Variants in TAF4B observed in about 807,000 individuals in gnomAD.
TAF4B encodes TATA-box binding protein associated factor 4b.
In TAF4B, 38 loss-of-function variants were observed where a neutral mutation model predicts 86.4. The observed-to-expected ratio is 0.44, with a 90% CI of 0.34 to 0.58. The LOEUF (loss-of-function observed/expected upper bound fraction) is 0.58, where lower values mean the gene tolerates loss of function less well. Among genes scored for constraint, TAF4B ranks in the 20% least tolerant of loss-of-function variants. The pLI, the probability that TAF4B is intolerant of heterozygous loss-of-function variation, is 0.02. For synonymous variants in TAF4B, 388 were observed against 391.2 expected (o/e 0.99, Z 0.10); for missense variants, 988 against 1,027.6 (o/e 0.96, Z 0.53).
At chr18:26,262,251 T>A (rs1339081102) in intron 1 of TAF4B, among the ~76,000 whole-genome samples, 1 of 151,672 alleles carries the variant, frequency 6.6e-6, no homozygotes, top group African/African-American at 2.4e-5. Context: ...GACTTCCTCC[T>A]CCCGGGAAGA....
rs117690930 is a variant in TAF4B, at chr18:26,257,842, C to T, written c.344-7328C>T. ...TTCATTTCTGGCTTTCCTCTGCGTG[C>T]GTGTGTGTGTGTGTGTGTGTGTGTG... is the stretch of plus-strand genomic sequence containing the variant. On this transcript the variant is annotated intron_variant, in intron 1 of 14. Coordinates refer to ENST00000269142, the MANE Select transcript of TAF4B (RefSeq NM_005640.3). 2.6e-4 allele frequency among the ~76,000 whole-genome samples: 37 copies of T among 141,528 alleles called. 1 individual carries two copies. Among genetic ancestry groups the T allele is most frequent in the East Asian group, 2.2e-3 (10 of 4,608 alleles). 92.8% of individuals were successfully genotyped at this position (141,528 alleles called of 152,430 possible).
Position 26,286,321 on chromosome 18 carries a change from T to C in TAF4B, c.1412T>C (p.Phe471Ser). 2 of 1,614,242 alleles carry C rather than the reference T, an allele frequency of 1.2e-6. No homozygotes were observed. Among genetic ancestry groups the C allele is most frequent in the East Asian group, 2.2e-5 (1 of 44,886 alleles). ...ACACTGTCCCTTCCAGCAGTAACTT[T>C]TGGAGAAACTTCAGGTGCAGCTATT... ...AVTLSLPAVTFGETSGAAICL... is the reference protein window; with the variant it reads ...AVTLSLPAVTSGETSGAAICL... Residue 471 changes from phenylalanine to serine, a missense_variant, in exon 7 of 15, where the codon TTT (phenylalanine) becomes TCT (serine). Coordinates refer to ENST00000269142, the MANE Select transcript of TAF4B (RefSeq NM_005640.3).
chr18:26,349,360 A>G (rs528099412), intron 13 of TAF4B, among the ~76,000 whole-genome samples: 1 of 152,010 alleles, frequency 6.6e-6, no homozygotes, highest in African/African-American at 2.4e-5. Flanking sequence ...TCTTTATTTA[A>G]AAAAAAAGAA....
intron 1 of TAF4B, among the ~76,000 whole-genome samples, chr18:26,236,009 C>T (rs2055742649): frequency 6.6e-6 from 1 of 152,132 alleles, no homozygotes; most frequent in Non-Finnish European, 1.5e-5. Flanking sequence ...GGGATATTGC[C>T]TTTGATAAGG....
intron 13 of TAF4B, among the ~76,000 whole-genome samples, chr18:26,338,470 ATTTT>A: frequency 1.4e-5 from 1 of 71,206 alleles, no homozygotes; most frequent in East Asian, 5.3e-4. Flanking sequence ...AAGAACTAGA[ATTTT>A]TTTTTTTTTT....
At chr18:26,254,565 C>T (rs1207433760) in intron 1 of TAF4B, among the ~76,000 whole-genome samples, 1 of 152,134 alleles carries the variant, frequency 6.6e-6, no homozygotes, top group African/African-American at 2.4e-5. Flanking sequence ...CTCAGCAAGC[C>T]CTCTAAGAAA....
intron 1 of TAF4B, among the ~76,000 whole-genome samples, chr18:26,260,866 C>G (rs146412675): frequency 6.6e-6 from 1 of 152,148 alleles, no homozygotes; most frequent in Non-Finnish European, 1.5e-5. Flanking sequence ...TTCCTTTGAA[C>G]ATACTTATAA....
chr18:26,353,862 A>G (rs569115385), intron 13 of TAF4B, among the ~76,000 whole-genome samples: 23 of 152,240 alleles, frequency 1.5e-4, no homozygotes, highest in Admixed American at 2.6e-4. Context: ...ATGCAGTCCA[A>G]TTTGCCAATT....
At chr18:26,350,002 G>T (rs561703980) in intron 13 of TAF4B, among the ~76,000 whole-genome samples, 15 of 152,248 alleles carry the variant, frequency 9.9e-5, no homozygotes, top group African/African-American at 3.6e-4. Flanking sequence ...GGGAAAGCGG[G>T]CATCCATATG....
chr18:26,302,968 A>G (rs1027786560), intron 9 of TAF4B, among the ~76,000 whole-genome samples: 7 of 152,172 alleles, frequency 4.6e-5, no homozygotes, highest in South Asian at 2.1e-4. Context: ...TTAATTTACT[A>G]TAATTTCAAA....
At chr18:26,333,054 TG>T (rs2057064017) in intron 12 of TAF4B, among the ~76,000 whole-genome samples, 1 of 151,814 alleles carries the variant, frequency 6.6e-6, no homozygotes, top group South Asian at 2.1e-4. Context: ...ACATCTTTTT[TG>T]TTGTTTAGAT....
intron 14 of TAF4B, among the ~76,000 whole-genome samples, chr18:26,368,205 G>A (rs2057384033): frequency 6.6e-6 from 1 of 152,080 alleles, no homozygotes; most frequent in Admixed American, 6.5e-5. Flanking sequence ...GAACCAGGTT[G>A]AATTCTTATG....
chr18:26,319,134 C>G lies in TAF4B; in HGVS notation c.2003-1936C>G, dbSNP rs180989353. The stretch of plus-strand genomic sequence containing the variant: ...GTTTGAGCCTGGCAGGTCGAAGTTG[C>G]AGTGGGCTATGATTGCTCCACTGCA... On this transcript the variant is annotated intron_variant, in intron 10 of 14. Coordinates refer to ENST00000269142, the MANE Select transcript of TAF4B (RefSeq NM_005640.3). Among the ~76,000 whole-genome samples the G allele has an allele frequency of 2.9e-3, 447 of 152,240 alleles. 1 individual carries two copies. Among genetic ancestry groups the G allele is most frequent in the African/African-American group, 0.01 (430 of 41,534 alleles).
At chr18:26,325,786 T>C (rs1381476227) in intron 11 of TAF4B, among the ~76,000 whole-genome samples, 1 of 152,236 alleles carries the variant, frequency 6.6e-6, no homozygotes, top group East Asian at 1.9e-4. Context: ...ATATTCTATC[T>C]TGTGTTATTT....
chr18:26,300,823 T>G (rs2144633039), intron 9 of TAF4B, among the ~76,000 whole-genome samples: 1 of 152,208 alleles, frequency 6.6e-6, no homozygotes, highest in South Asian at 2.1e-4. Flanking sequence ...TTTCCATCAC[T>G]TACGTAGAGT....
At chr18:26,252,317 G>A (rs2056018533) in intron 1 of TAF4B, among the ~76,000 whole-genome samples, 2 of 152,050 alleles carry the variant, frequency 1.3e-5, no homozygotes, top group South Asian at 4.1e-4. Flanking sequence ...GTTATTCATT[G>A]CAAGTGTATA....
chr18:26,273,736 A>G (rs542766858), intron 3 of TAF4B, among the ~76,000 whole-genome samples: 1 of 152,296 alleles, frequency 6.6e-6, no homozygotes, highest in Admixed American at 6.5e-5. Flanking sequence ...TGTCTAGTAC[A>G]TATTCCAGTC....
At chr18:26,382,148 G>GA (rs1182594064) in intron 14 of TAF4B, among the ~76,000 whole-genome samples, 2 of 152,020 alleles carry the variant, frequency 1.3e-5, no homozygotes, top group Non-Finnish European at 2.9e-5. Context: ...GTTCTCCAAG[G>GA]AAAAATCAAA....
chr18:26,288,673 G>A (rs1310997519), intron 7 of TAF4B, among the ~76,000 whole-genome samples: 1 of 152,034 alleles, frequency 6.6e-6, no homozygotes, highest in Non-Finnish European at 1.5e-5. Flanking sequence ...AAACAGTCAA[G>A]TAATGGATCT....
Sources: allele counts gnomAD v4.1 joint callset (sites outside exome capture counted in the v4.1 genomes callset), GRCh38; gene constraint gnomAD v4.1.1; transcripts MANE v1.5; gene names NCBI Gene and HGNC (gene_info 2026-07-23, HGNC 2026-07-21).